The following GK5 variants were observed in gnomAD, a reference collection of about 807,000 sequenced individuals.
GK5 encodes ATP:glycerol 3-phosphotransferase 5.
Under a neutral mutation model 77.3 loss-of-function variants are expected in GK5, and 39 were observed. That is an observed-to-expected ratio of 0.50 (90% CI 0.39 to 0.66). The LOEUF (loss-of-function observed/expected upper bound fraction) is 0.66, where lower values mean the gene tolerates loss of function less well. Among genes scored for constraint, GK5 ranks in the 30% least tolerant of loss-of-function variants. The pLI is 0.00. For missense variants in GK5, 487 were observed against 633.8 expected, an observed-to-expected ratio of 0.77 and a Z score of 2.49; for synonymous variants, 211 against 208.0, an observed-to-expected ratio of 1.01 and a Z score of -0.13.
intron 15 of GK5, among the ~76,000 whole-genome samples, chr3:142,169,203 T>A (rs1171904985): frequency 6.6e-6 from 1 of 152,198 alleles, no homozygotes; most frequent in African/African-American, 2.4e-5. Flanking sequence ...TCTAATGCCA[T>A]AGGCAAACCT....
At position 142,157,532 on chromosome 3, in the gene GK5, T is replaced by C. The variant is rs2063391779; in HGVS notation, c.*8090A>G. ...CAAAGCAAATAACAGAGAAACACAA[T>C]ATAAAAATGGCTTTAATATACCAAC... On this transcript the variant is annotated 3_prime_UTR_variant, in exon 16 of 16. Coordinates refer to ENST00000392993, the MANE Select transcript of GK5 (RefSeq NM_001039547.3). 1 of 152,220 alleles carries C rather than the reference T, an allele frequency of 6.6e-6. No individual in the cohort carries two copies. Among genetic ancestry groups the C allele is most frequent in the Non-Finnish European group, 1.5e-5 (1 of 68,034 alleles). 9.4% of individuals were successfully genotyped at this position (152,220 alleles called of 1,614,324 possible).
Position 142,213,657 on chromosome 3 carries a change from T to C in GK5, c.242-56A>G, listed in dbSNP as rs1477515087. On this transcript the variant is annotated intron_variant, in intron 2 of 15. Transcript: ENST00000392993. ...TTAAAGCCAGTGATATTTTTCTTTATAATATTACAATATAGAAAAAGAAAT... is the reference window on the plus strand; with the variant it reads ...TTAAAGCCAGTGATATTTTTCTTTACAATATTACAATATAGAAAAAGAAAT... The C allele has an allele frequency of 4.4e-6, 5 of 1,132,696 alleles. No individual in the cohort carries two copies. The African/African-American group carries it at 6.2e-5, about 14-fold the overall frequency. The allele number at this position is 1,132,696 out of a possible 1,614,324, so 70.2% of individuals were successfully genotyped here.
Position 142,157,681 on chromosome 3 carries a change from G to A in GK5, c.*7941C>T, listed in dbSNP as rs1457272162. On this transcript the variant is annotated 3_prime_UTR_variant, in exon 16 of 16. Coordinates refer to ENST00000392993, the MANE Select transcript of GK5 (RefSeq NM_001039547.3). ...AGTATATGAAATTATCTTTTCTCCA[G>A]TTATTTATAATCTTTCTAAATATTT... The A allele has an allele frequency of 6.6e-6, 1 of 151,982 alleles. No individual in the cohort carries two copies. Among genetic ancestry groups the A allele is most frequent in the Non-Finnish European group, 1.5e-5 (1 of 68,008 alleles). The allele number at this position is 151,982 out of a possible 1,614,324, so 9.4% of individuals were successfully genotyped here.
chr3:142,187,483 T>A (rs1274222260), intron 6 of GK5, among the ~76,000 whole-genome samples: 1 of 151,548 alleles, frequency 6.6e-6, no homozygotes, highest in East Asian at 1.9e-4. Flanking sequence ...CACATACCAA[T>A]AGTCCCAGCC....
chr3:142,188,048 GTTTT>G (rs1259501460), intron 5 of GK5, among the ~76,000 whole-genome samples: 1 of 151,488 alleles, frequency 6.6e-6, no homozygotes, highest in Non-Finnish European at 1.5e-5. Context: ...TTACTTTTGT[GTTTT>G]TTGTTGTTTT....
intron 1 of GK5, among the ~76,000 whole-genome samples, chr3:142,221,413 C>CT (rs1217139307): frequency 6.6e-6 from 1 of 152,236 alleles, no homozygotes; most frequent in African/African-American, 2.4e-5. Context: ...CTTCCCCCCA[C>CT]TTTACCAATC....
chr3:142,213,024 C>T (rs976762896), intron 3 of GK5, among the ~76,000 whole-genome samples: 9 of 151,550 alleles, frequency 5.9e-5, no homozygotes, highest in African/African-American at 1.2e-4. Context: ...TTAGTAGAGA[C>T]GGGGTTTCAC....
chr3:142,187,284 T>C (rs903025448), intron 6 of GK5, among the ~76,000 whole-genome samples: 1 of 151,908 alleles, frequency 6.6e-6, no homozygotes, highest in African/African-American at 2.4e-5. Flanking sequence ...GAGCAGTATG[T>C]CTGGAGTACA....
chr3:142,186,627 T>TTTA, intron 6 of GK5, 114 bp from the exon 7 acceptor site: 3 of 479,694 alleles, frequency 6.3e-6, no homozygotes, highest in Non-Finnish European at 7.2e-6. Context: ...AAATGTGTAT[T>TTTA]TTCTTTTTTT....
intron 5 of GK5, among the ~76,000 whole-genome samples, chr3:142,195,422 C>T (rs2063920058): frequency 6.6e-6 from 1 of 152,108 alleles, no homozygotes; most frequent in South Asian, 2.1e-4. Flanking sequence ...TGGATCATTG[C>T]TGTCTCAAAC....
chr3:142,225,295 CG>C lies in GK5; in HGVS notation c.147+13del. On this transcript the variant is annotated intron_variant, in intron 1 of 15. Transcript: ENST00000392993. ...CCCAGTCAGACCCGCGCCCCACGCC[CG>C]CCCCCAAGTCACCTTCTGCACGCTG... The C allele has an allele frequency of 6.5e-7, 1 of 1,528,454 alleles. No individual in the cohort carries two copies. Among genetic ancestry groups the C allele is most frequent in the Non-Finnish European group, 8.8e-7 (1 of 1,137,618 alleles). The allele number at this position is 1,528,454 out of a possible 1,614,324, so 94.7% of individuals were successfully genotyped here. A position where few individuals can be genotyped will look rare whatever the true frequency, so the allele number is the denominator to read the frequency against.
At position 142,225,564 on chromosome 3, in the gene GK5, G is replaced by A; in HGVS notation, c.-109C>T. ...CCAACCCGGGCCCCAACCCGGCTCA[G>A]CCGGAGAGCCTAGAGAGGCCTGGCC... On this transcript the variant is annotated 5_prime_UTR_variant, in exon 1 of 16. Coordinates refer to ENST00000392993, the MANE Select transcript of GK5 (RefSeq NM_001039547.3). 1 of 1,393,054 alleles carries A rather than the reference G, an allele frequency of 7.2e-7. No individual in the cohort carries two copies. 86.3% of individuals were successfully genotyped at this position (1,393,054 alleles called of 1,614,324 possible). A position where few individuals can be genotyped will look rare whatever the true frequency, so the allele number is the denominator to read the frequency against.
chr3:142,209,796 G>A (rs1013897254), intron 3 of GK5, among the ~76,000 whole-genome samples: 14 of 152,226 alleles, frequency 9.2e-5, no homozygotes, highest in African/African-American at 2.6e-4. Context: ...CCCCCAGCAC[G>A]GTGCATTACT....
At position 142,158,173 on chromosome 3, in the gene GK5, G is replaced by C. The variant is rs1001399183; in HGVS notation, c.*7449C>G. ...TCACCATGTTAGCCAGGATGGTCTCGATCTCCTGACCTCGTGATCCGCCAG... is the reference window on the plus strand; with the variant it reads ...TCACCATGTTAGCCAGGATGGTCTCCATCTCCTGACCTCGTGATCCGCCAG... On this transcript the variant is annotated 3_prime_UTR_variant, in exon 16 of 16. Transcript: ENST00000392993. The C allele has an allele frequency of 6.6e-6, 1 of 152,182 alleles. No homozygotes were observed. Among genetic ancestry groups the C allele is most frequent in the Non-Finnish European group, 1.5e-5 (1 of 68,172 alleles). The allele number at this position is 152,182 out of a possible 1,614,324, so 9.4% of individuals were successfully genotyped here.
chr3:142,210,538 C>T (rs2064176862), intron 3 of GK5, among the ~76,000 whole-genome samples: 1 of 152,122 alleles, frequency 6.6e-6, no homozygotes, highest in Non-Finnish European at 1.5e-5. Flanking sequence ...AGCACAAAGG[C>T]TTTCAGTCTT....
intron 9 of GK5, among the ~76,000 whole-genome samples, chr3:142,184,260 CAAA>C (rs1161704184): frequency 1.9e-4 from 2 of 10,684 alleles, no homozygotes; most frequent in African/African-American, 7.8e-4. Flanking sequence ...GACTCTGTCT[CAAA>C]AAAAAAAAAA....
At chr3:142,167,968 C>T (rs978157356) in intron 15 of GK5, among the ~76,000 whole-genome samples, 1 of 152,096 alleles carries the variant, frequency 6.6e-6, no homozygotes, top group South Asian at 2.1e-4. Context: ...GCTGAGATTG[C>T]GCCATTGCAC....
At position 142,184,046 on chromosome 3, in the gene GK5, C is replaced by T. The variant is rs146052631; in HGVS notation, c.817-997G>A. On this transcript the variant is annotated intron_variant, in intron 9 of 15. Transcript: ENST00000392993. ...GGCCGAGGTGGGCAAATCACGAGGT[C>T]AGGAGATCAAGACCATCCTGGCTAA... Among the ~76,000 whole-genome samples the T allele has an allele frequency of 6.2e-3, 936 of 151,496 alleles. 9 individuals are homozygous for T. The highest frequency in any genetic ancestry group is 0.022 in the African/African-American group (891 of 41,282).
At position 142,163,277 on chromosome 3, in the gene GK5, C is replaced by CA. The variant is rs1282524673; in HGVS notation, c.*2344_*2345insT. On this transcript the variant is annotated 3_prime_UTR_variant, in exon 16 of 16. Coordinates refer to ENST00000392993, the MANE Select transcript of GK5 (RefSeq NM_001039547.3). ...CAACATTATCTGAAAAGTATTGATC[C>CA]TTTTTTTTTTTTTTTGAGACGCAGT... is the stretch of plus-strand genomic sequence containing the variant. 1 of 139,612 alleles carries CA rather than the reference C, an allele frequency of 7.2e-6. No individual in the cohort carries two copies. Among genetic ancestry groups the CA allele is most frequent in the African/African-American group, 2.7e-5 (1 of 37,116 alleles). 8.6% of individuals were successfully genotyped at this position (139,612 alleles called of 1,614,324 possible).
Sources: gnomAD v4.1 joint callset for allele counts (sites outside exome capture counted in the v4.1 genomes callset) on GRCh38, gnomAD v4.1.1 for gene constraint, MANE v1.5 for transcripts, NCBI Gene and HGNC (gene_info 2026-07-23, HGNC 2026-07-21) for gene names.